ABCA12: variants seen among roughly 807,000 people sequenced by gnomAD.
ABCA12 encodes glucosylceramide transporter ABCA12.
In ABCA12, 156 loss-of-function variants were observed where a neutral mutation model predicts 293.5. The ratio of observed to expected loss-of-function variants is 0.53; its 90% CI spans 0.47 to 0.61. The LOEUF is 0.61. Ranked by LOEUF, ABCA12 falls within the 20% of genes least tolerant of loss-of-function variation. The probability of loss-of-function intolerance (pLI) is 0.00; values close to 1 mark genes in which losing one functional copy is unlikely to be tolerated. For synonymous variants in ABCA12, 1,063 were observed against 1,108.0 expected, an observed-to-expected ratio of 0.96 and a Z score of 0.81; for missense variants, 2,797 against 3,090.2, an observed-to-expected ratio of 0.91 and a Z score of 2.25.
At chr2:214,959,104 T>A in intron 39 of ABCA12, 26 bp from the exon 40 acceptor site, 1 of 1,594,800 alleles carries the variant, frequency 6.3e-7, no homozygotes, top group Non-Finnish European at 8.6e-7. Flanking sequence ...GTTCTTCTAT[T>A]AGTAGGTATT....
intron 9 of ABCA12, among the ~76,000 whole-genome samples, chr2:215,028,448 C>T (rs1315551077): frequency 6.6e-6 from 1 of 152,182 alleles, no homozygotes; most frequent in African/African-American, 2.4e-5. Context: ...TACAAGCGCT[C>T]ATGCTTGTGC....
rs375770004 is a variant in ABCA12, at chr2:215,094,444, T to C, written c.163+17153A>G. The stretch of plus-strand genomic sequence containing the variant: ...CCTACTTGCTCTCCCACTGAAGTTG[T>C]CCACCTATCAATCCCTTCCCACTCA... On this transcript the variant is annotated intron_variant, in intron 2 of 52. Transcript: ENST00000272895. Among the ~76,000 whole-genome samples the C allele has an allele frequency of 4.4e-4, 67 of 152,210 alleles. No individual in the cohort carries two copies. In the South Asian group the frequency reaches 0.014, roughly 31 times the overall value.
chr2:215,079,257 C>A (rs1317058199), intron 2 of ABCA12, among the ~76,000 whole-genome samples: 1 of 152,194 alleles, frequency 6.6e-6, no homozygotes, highest in Non-Finnish European at 1.5e-5. Context: ...ACAAGAAAAT[C>A]TTCCTGTAGA....
At position 215,052,529 on chromosome 2, in the gene ABCA12, GA is replaced by G. The variant is rs1559168251; in HGVS notation, c.464del (p.Phe155SerfsTer17). The G allele has an allele frequency of 6.2e-7, 1 of 1,612,764 alleles. No homozygotes were observed. The highest frequency in any genetic ancestry group is 1.1e-5 in the South Asian group (1 of 91,064). On this transcript the variant is annotated frameshift_variant, in exon 5 of 53. Transcript: ENST00000272895. LOFTEE classifies it high-confidence loss of function. ...TTCGTGCGAGCACTTGACTGCCATTGAAAGTATATGTTCCGGGGATTTCCAA... is the reference window on the plus strand; with the variant it reads ...TTCGTGCGAGCACTTGACTGCCATTGAAGTATATGTTCCGGGGATTTCCAA... ...SDLEIPGTYT[F>X]NGSQVLARIL...
At chr2:215,126,951 C>T (rs765527453) in intron 1 of ABCA12, among the ~76,000 whole-genome samples, 6 of 152,058 alleles carry the variant, frequency 3.9e-5, no homozygotes, top group Non-Finnish European at 8.8e-5. Flanking sequence ...TTCTTGTTAG[C>T]ACTGCCTTTG....
At position 214,997,778 on chromosome 2, in the gene ABCA12, T is replaced by C. The variant is rs1291262764; in HGVS notation, c.3211A>G (p.Ile1071Val). 5 of 1,613,252 alleles carry C rather than the reference T, an allele frequency of 3.1e-6. No individual in the cohort carries two copies. The highest frequency in any genetic ancestry group is 1.3e-5 in the African/African-American group (1 of 74,908). Reference protein sequence around the residue: ...FLTSVSYSLPIVLMVAWVVFI... With the variant: ...FLTSVSYSLPVVLMVAWVVFI... The stretch of plus-strand genomic sequence containing the variant: ...ACAACCCAGGCAACCATAAGCACAA[T>C]TGGAAGAGAATAAGAGACACTGGTT... The change falls in exon 23 of 53, where the codon ATT becomes GTT. Residue 1071 changes from isoleucine (I) to valine (V), a missense_variant. Ile to Val is a conservative substitution (Grantham distance 29). Transcript: ENST00000272895.
At position 215,018,104 on chromosome 2, in the gene ABCA12, A is replaced by G. The variant is rs754331954; in HGVS notation, c.1686T>C (p.Val562=). The G allele has an allele frequency of 3.1e-6, 5 of 1,613,654 alleles. No homozygotes were observed. Among genetic ancestry groups the G allele is most frequent in the Non-Finnish European group, 4.2e-6 (5 of 1,179,884 alleles). ...TCCTTAAATCTTCTTTCAGCTCTTC[A>G]ACATTTTTAAACATTTCTAGTAACT... ...PGQLLEMFKN[V]EELKEDLRRT... is the part of the protein sequence containing the mutation. The change falls in exon 14 of 53, where the codon GTT becomes GTC. Residue 562 remains valine, a synonymous_variant. Coordinates refer to ENST00000272895, the MANE Select transcript of ABCA12 (RefSeq NM_173076.3).
chr2:215,064,322 A>G, intron 2 of ABCA12, 103 bp from the exon 3 acceptor site: 1 of 1,229,086 alleles, frequency 8.1e-7, no homozygotes, highest in Non-Finnish European at 1.2e-6. Flanking sequence ...CTGGATTACC[A>G]CTCTCCGGGT....
rs1407073889 is a variant in ABCA12, at chr2:214,976,120, T to C, written c.5129-83A>G. ...AACTTCAGAAACTATATATAAATGG[T>C]ATAATACACTGTGGTGGGAAAAGCT... is the stretch of plus-strand genomic sequence containing the variant. On this transcript the variant is annotated intron_variant, in intron 33 of 52. Coordinates refer to ENST00000272895, the MANE Select transcript of ABCA12 (RefSeq NM_173076.3). 6 of 1,535,208 alleles carry C rather than the reference T, an allele frequency of 3.9e-6. No individual in the cohort carries two copies. In the African/African-American group the frequency reaches 5.5e-5, roughly 14 times the overall value.
chr2:215,040,416 A>G (rs569025678), intron 7 of ABCA12, among the ~76,000 whole-genome samples: 15 of 152,226 alleles, frequency 9.9e-5, no homozygotes, highest in Non-Finnish European at 1.8e-4. Flanking sequence ...TCTTAATATC[A>G]TTGCACAGCT....
chr2:215,011,649 C>CA lies in ABCA12; in HGVS notation c.2122-1_2122insT (p.Ala708CysfsTer16). On this transcript the variant is annotated frameshift_variant and splice_region_variant. Transcript: ENST00000272895. LOFTEE classifies it high-confidence loss of function. ...TTCATTCGGTTGCTTCTGTACATTG[C>CA]CTGTGAGACAAAAATCCACAATTTA... 1 of 1,613,892 alleles carries CA rather than the reference C, an allele frequency of 6.2e-7. No individual in the cohort carries two copies. Among genetic ancestry groups the CA allele is most frequent in the Non-Finnish European group, 8.5e-7 (1 of 1,179,840 alleles).
chr2:215,120,861 T>A lies in ABCA12; in HGVS notation c.70-9171A>T, dbSNP rs747409976. 2.0e-5 allele frequency among the ~76,000 whole-genome samples: 3 copies of A among 152,204 alleles called. No homozygotes were observed. In the South Asian group the frequency reaches 6.2e-4, roughly 32 times the overall value. On this transcript the variant is annotated intron_variant, in intron 1 of 52. Coordinates refer to ENST00000272895, the MANE Select transcript of ABCA12 (RefSeq NM_173076.3). ...CCACTTCTTCCACATGAGAATTCTA[T>A]GAATATTTGAAGAGAGACAAAATCC... is the stretch of plus-strand genomic sequence containing the variant.
At chr2:214,944,894 C>T in intron 49 of ABCA12, 107 bp downstream of exon 49, 2 of 780,196 alleles carry the variant, frequency 2.6e-6, no homozygotes, top group Non-Finnish European at 4.4e-6. Context: ...TATACACACA[C>T]ATATATATGT....
chr2:214,990,814 T>C lies in ABCA12; in HGVS notation c.3512A>G (p.Asn1171Ser). ...MSYLISVFFNNTNIAALIGSL... is the reference protein window; with the variant it reads ...MSYLISVFFNSTNIAALIGSL... ...TCCGATCAGAGCTGCAATGTTGGTG[T>C]TGTTGAAGAAGACACTGATAAGATA... Residue 1171 changes from asparagine (N) to serine (S), a missense_variant, in exon 24 of 53, where the codon AAC becomes AGC. Around this residue, in one of 3 missense-constraint regions of ABCA12, gnomAD observed 2,130 missense variants for 2,427.0 expected, o/e 0.88. Coordinates refer to ENST00000272895, the MANE Select transcript of ABCA12 (RefSeq NM_173076.3). 6.2e-7 allele frequency: 1 copy of C among 1,614,086 alleles called. No homozygotes were observed.
intron 1 of ABCA12, among the ~76,000 whole-genome samples, chr2:215,134,950 CT>C (rs941003833): frequency 9.1e-4 from 136 of 149,950 alleles, no homozygotes; most frequent in African/African-American, 3.2e-3. Flanking sequence ...CCAGCATATA[CT>C]TTAAAAAAAA....
At chr2:215,099,058 A>G (rs1357791485) in intron 2 of ABCA12, among the ~76,000 whole-genome samples, 1 of 152,250 alleles carries the variant, frequency 6.6e-6, no homozygotes, top group African/African-American at 2.4e-5. Flanking sequence ...AGTCAGGCTG[A>G]AGCACTTGTT....
intron 34 of ABCA12, 138 bp from the exon 35 acceptor site, chr2:214,975,002 G>T: frequency 1.3e-6 from 1 of 776,620 alleles, no homozygotes; most frequent in South Asian, 1.5e-5. Flanking sequence ...TTGCCGTGTT[G>T]CCCAGGCTGG....
chr2:215,101,674 C>G (rs1015583101), intron 2 of ABCA12, among the ~76,000 whole-genome samples: 1 of 152,152 alleles, frequency 6.6e-6, no homozygotes, highest in African/African-American at 2.4e-5. Context: ...AGGGTTATGG[C>G]TAACCTTGCA....
chr2:214,994,271 A>T (rs1699988993), intron 23 of ABCA12, among the ~76,000 whole-genome samples: 1 of 151,958 alleles, frequency 6.6e-6, no homozygotes, highest in Admixed American at 6.6e-5. Flanking sequence ...TCAAAGTGAC[A>T]GATGTCAGGT....
Sources: gnomAD v4.1 joint callset for allele counts (sites outside exome capture counted in the v4.1 genomes callset) on GRCh38, gnomAD v4.1.1 for gene constraint, gnomAD v4.1.1 regional missense constraint, MANE v1.5 for transcripts, NCBI Gene and HGNC (gene_info 2026-07-23, HGNC 2026-07-21) for gene names.